The following CFAP299 variants were observed in gnomAD, a reference collection of about 807,000 sequenced individuals.
The protein encoded by CFAP299 is cilia- and flagella-associated protein 299.
In CFAP299, 21 loss-of-function variants were observed where a neutral mutation model predicts 27.0. That is an observed-to-expected ratio of 0.78 (90% CI 0.55 to 1.12). CFAP299 has a LOEUF of 1.12. Ranked by LOEUF, CFAP299 falls within the 50% of genes most tolerant of loss-of-function variation. The probability of loss-of-function intolerance (pLI) is 0.00; values close to 1 mark genes in which losing one functional copy is unlikely to be tolerated. For synonymous variants in CFAP299, 104 were observed against 98.1 expected (o/e 1.06, Z -0.36); for missense variants, 310 against 276.6 (o/e 1.12, Z -0.86).
intron 2 of CFAP299, among the ~76,000 whole-genome samples, chr4:80,372,117 C>A (rs913220923): frequency 1.3e-5 from 2 of 152,158 alleles, no homozygotes; most frequent in African/African-American, 4.8e-5. Context: ...CTAGAGAGAC[C>A]TCAGGAAACT....
chr4:80,583,132 T>C lies in CFAP299; in HGVS notation c.282T>C (p.Phe94=). 6.2e-7 allele frequency: 1 copy of C among 1,606,086 alleles called. No homozygotes were observed. The highest frequency in any genetic ancestry group is 2.2e-5 in the East Asian group (1 of 44,596). The change falls in exon 3 of 6, where the codon TTT becomes TTC. Residue 94 remains phenylalanine, a synonymous_variant. Coordinates refer to ENST00000358105, the MANE Select transcript of CFAP299 (RefSeq NM_152770.3). The stretch of plus-strand genomic sequence containing the variant: ...CTGGTAAAGACCTACAAGATAATTT[T>C]CTGACGGCCCTGGCAATGAGAGAAG... The part of the protein sequence containing the change: ...TSAGKDLQDN[F]LTALAMREED...
At chr4:80,467,066 T>A (rs1412891896) in intron 2 of CFAP299, among the ~76,000 whole-genome samples, 1 of 152,216 alleles carries the variant, frequency 6.6e-6, no homozygotes, top group Non-Finnish European at 1.5e-5. Context: ...GAAAGCCTGT[T>A]GTTTTTTGTC....
At chr4:80,565,859 T>G (rs558302429) in intron 2 of CFAP299, among the ~76,000 whole-genome samples, 31 of 152,226 alleles carry the variant, frequency 2.0e-4, no homozygotes, top group Non-Finnish European at 2.9e-4. Context: ...TTGGGGTTTT[T>G]GAACCTTGGG....
intron 3 of CFAP299, among the ~76,000 whole-genome samples, chr4:80,850,551 T>A (rs1471257822): frequency 6.6e-6 from 1 of 151,952 alleles, no homozygotes; most frequent in African/African-American, 2.4e-5. Flanking sequence ...AAAATAAATA[T>A]AAATATGAAA....
intron 2 of CFAP299, among the ~76,000 whole-genome samples, chr4:80,550,596 A>G (rs1280595848): frequency 6.6e-6 from 1 of 152,074 alleles, no homozygotes; most frequent in Non-Finnish European, 1.5e-5. Context: ...AATTAGTTAT[A>G]TTGAAAATGA....
At chr4:80,620,696 C>T (rs1322026244) in intron 3 of CFAP299, among the ~76,000 whole-genome samples, 2 of 152,036 alleles carry the variant, frequency 1.3e-5, no homozygotes, top group Admixed American at 1.3e-4. Flanking sequence ...ACATTACTGA[C>T]TATCTCTCCT....
At chr4:80,431,962 T>C (rs1727837643) in intron 2 of CFAP299, among the ~76,000 whole-genome samples, 1 of 152,194 alleles carries the variant, frequency 6.6e-6, no homozygotes, top group South Asian at 2.1e-4. Context: ...TGCCAATTCA[T>C]TGTCAGCTCT....
intron 3 of CFAP299, among the ~76,000 whole-genome samples, chr4:80,668,185 T>C (rs1490230145): frequency 6.6e-6 from 1 of 151,790 alleles, no homozygotes; most frequent in Non-Finnish European, 1.5e-5. Context: ...TTGTTCAAGC[T>C]CCTTACATAG....
the CFAP299 span, among the ~76,000 whole-genome samples, chr4:80,323,006 A>G: frequency 6.6e-6 from 1 of 152,240 alleles, no homozygotes; most frequent in African/African-American, 2.4e-5. Flanking sequence ...CAATATAAAC[A>G]GAAGAAAAAT....
At chr4:80,811,999 G>A (rs1270938594) in intron 3 of CFAP299, among the ~76,000 whole-genome samples, 1 of 152,010 alleles carries the variant, frequency 6.6e-6, no homozygotes, top group Non-Finnish European at 1.5e-5. Context: ...AGCCAAAATG[G>A]TCACGTGAAA....
intron 3 of CFAP299, among the ~76,000 whole-genome samples, chr4:80,688,380 C>A (rs1472901342): frequency 1.4e-5 from 2 of 147,358 alleles, no homozygotes; most frequent in Admixed American, 6.8e-5. Context: ...GGGTCCCTGA[C>A]CCCTGACCCA....
At chr4:80,879,447 G>A (rs1733577953) in intron 4 of CFAP299, among the ~76,000 whole-genome samples, 1 of 152,026 alleles carries the variant, frequency 6.6e-6, no homozygotes, top group South Asian at 2.1e-4. Flanking sequence ...CCAGCATGCT[G>A]TATATTTATC....
At chr4:80,656,209 A>G (rs995870750) in intron 3 of CFAP299, among the ~76,000 whole-genome samples, 2 of 152,050 alleles carry the variant, frequency 1.3e-5, no homozygotes, top group Admixed American at 1.3e-4. Context: ...TTATTACAGG[A>G]CCATTGAGAT....
intron 3 of CFAP299, among the ~76,000 whole-genome samples, chr4:80,643,237 C>T (rs564153142): frequency 7.2e-5 from 11 of 152,100 alleles, no homozygotes; most frequent in Admixed American, 3.9e-4. Context: ...AGCAAAGGGT[C>T]ATACATTTGG....
chr4:80,761,047 A>C (rs1295959449), intron 3 of CFAP299, among the ~76,000 whole-genome samples: 2 of 152,162 alleles, frequency 1.3e-5, no homozygotes, highest in Non-Finnish European at 2.9e-5. Context: ...TTGGGCTATA[A>C]ATGTATTTAA....
In CFAP299 at chr4:80,550,783, A is replaced by G. The variant is rs1264529534; in HGVS notation, c.243-32310A>G. 4.0e-5 allele frequency among the ~76,000 whole-genome samples: 6 copies of G among 148,964 alleles called. No individual in the cohort carries two copies. In the East Asian group the frequency reaches 5.9e-4, roughly 15 times the overall value. On this transcript the variant is annotated intron_variant, in intron 2 of 5. Coordinates refer to ENST00000358105, the MANE Select transcript of CFAP299 (RefSeq NM_152770.3). ...AAAACACACACACACACACACACAC[A>G]CGCACACACACACACGCATACACAT... is the stretch of plus-strand genomic sequence containing the variant.
upstream of CFAP299, among the ~76,000 whole-genome samples, chr4:80,335,225 A>G (rs1203635693): frequency 6.6e-6 from 1 of 152,188 alleles, no homozygotes; most frequent in Non-Finnish European, 1.5e-5. Flanking sequence ...TTTTTGACTG[A>G]GTTTCTTTCC....
chr4:80,913,085 C>T (rs1465354725), intron 4 of CFAP299, among the ~76,000 whole-genome samples: 1 of 152,036 alleles, frequency 6.6e-6, no homozygotes, highest in East Asian at 1.9e-4. Flanking sequence ...AAACATGGGG[C>T]CCCCTGAAAT....
intron 3 of CFAP299, among the ~76,000 whole-genome samples, chr4:80,702,727 T>C (rs1025955338): frequency 4.6e-5 from 7 of 152,018 alleles, no homozygotes; most frequent in Middle Eastern, 3.4e-3. Flanking sequence ...GGGTTCTCAA[T>C]AAAGTTAGCT....
Sources: gnomAD v4.1 joint callset for allele counts (sites outside exome capture counted in the v4.1 genomes callset) on GRCh38, gnomAD v4.1.1 for gene constraint, MANE v1.5 for transcripts, NCBI Gene and HGNC (gene_info 2026-07-23, HGNC 2026-07-21) for gene names.